GNB4: variants seen among roughly 807,000 people sequenced by gnomAD.
GNB4 encodes G protein subunit beta 4.
GNB4 carries 28 observed loss-of-function variants against 45.2 expected under a neutral mutation model. The ratio of observed to expected loss-of-function variants is 0.62; its 90% CI spans 0.46 to 0.85. The LOEUF (loss-of-function observed/expected upper bound fraction) is 0.85, where lower values mean the gene tolerates loss of function less well. GNB4 is among the 40% of genes least tolerant of loss of function. The pLI is 0.00. For missense variants in GNB4, 321 were observed against 425.4 expected (o/e 0.75, Z 2.16); for synonymous variants, 132 against 143.7 (o/e 0.92, Z 0.58).
chr3:179,507,447 A>G, the GNB4 span, among the ~76,000 whole-genome samples: 1 of 152,222 alleles, frequency 6.6e-6, no homozygotes, highest in Admixed American at 6.5e-5. Context: ...AGGAGAAAAG[A>G]AAAGAAAGGC....
chr3:179,397,029 C>G lies in GNB4; in HGVS notation c.*4184G>C, dbSNP rs890875699. On this transcript the variant is annotated 3_prime_UTR_variant, in exon 10 of 10. Transcript: ENST00000232564. ...GAAATCATTTAAAATTTTGCTTTTT[C>G]ACAATGGCAAAAAGGAAAGAATTTG... 8.5e-5 allele frequency: 13 copies of G among 152,156 alleles called. No individual in the cohort carries two copies. The South Asian group carries it at 2.1e-3, about 24-fold the overall frequency. 9.4% of individuals were successfully genotyped at this position (152,156 alleles called of 1,614,324 possible).
At chr3:179,436,674 GCTTT>G (rs1363143606) in intron 1 of GNB4, among the ~76,000 whole-genome samples, 9 of 152,184 alleles carry the variant, frequency 5.9e-5, no homozygotes, top group Non-Finnish European at 1.0e-4. Flanking sequence ...TCTCCACGTG[GCTTT>G]CTTTCTCAGG....
chr3:179,426,053 T>C (rs553677885), intron 2 of GNB4, 91 bp downstream of exon 2: 1 of 944,252 alleles, frequency 1.1e-6, no homozygotes, highest in East Asian at 2.6e-5. Context: ...GCCTTAGAAA[T>C]CATTTAATAT....
intron 3 of GNB4, 66 bp downstream of exon 3, chr3:179,420,823 C>T (rs1714957934): frequency 1.1e-6 from 1 of 951,474 alleles, no homozygotes; most frequent in African/African-American, 1.6e-5. Flanking sequence ...ATCTGAATGT[C>T]ATTTGCCTCT....
At chr3:179,516,981 A>C in the GNB4 span, among the ~76,000 whole-genome samples, 1 of 152,140 alleles carries the variant, frequency 6.6e-6, no homozygotes, top group Non-Finnish European at 1.5e-5. Flanking sequence ...AGTTTTTATT[A>C]AAGAGGCATT....
the GNB4 span, among the ~76,000 whole-genome samples, chr3:179,511,365 A>G: frequency 1.3e-5 from 2 of 152,254 alleles, no homozygotes; most frequent in African/African-American, 4.8e-5. Flanking sequence ...GCACTCAGTA[A>G]CAACTGTATA....
the GNB4 span, among the ~76,000 whole-genome samples, chr3:179,485,621 C>T: frequency 3.9e-5 from 6 of 152,082 alleles, no homozygotes; most frequent in Non-Finnish European, 7.4e-5. Flanking sequence ...TCTTAACCTC[C>T]GAATTGCACT....
chr3:179,509,168 T>TACACACACACAC, the GNB4 span, among the ~76,000 whole-genome samples: 9 of 146,990 alleles, frequency 6.1e-5, no homozygotes, highest in African/African-American at 1.5e-4. Flanking sequence ...TATATATACA[T>TACACACACACAC]ACACACACAC....
Position 179,413,607 on chromosome 3 carries a change from T to TA in GNB4, c.503dup (p.Leu168PhefsTer28), listed in dbSNP as rs1433857620. 6.2e-7 allele frequency: 1 copy of TA among 1,613,988 alleles called. No homozygotes were observed. The highest frequency in any genetic ancestry group is 8.5e-7 in the Non-Finnish European group (1 of 1,179,976). ...TCTGCTGGGCAGTTTCGATGTCCCA[T>TA]AAAGCACTGTAATTAAAAACAAAAT... is the stretch of plus-strand genomic sequence containing the variant. On this transcript the variant is annotated frameshift_variant, in exon 8 of 10. Transcript: ENST00000232564. LOFTEE classifies it high-confidence loss of function.
the GNB4 span, among the ~76,000 whole-genome samples, chr3:179,525,542 C>T: frequency 6.6e-6 from 1 of 151,828 alleles, no homozygotes; most frequent in Non-Finnish European, 1.5e-5. Flanking sequence ...TGACTTGCCA[C>T]CAAGGGAATG....
the GNB4 span, among the ~76,000 whole-genome samples, chr3:179,500,855 G>A: frequency 6.6e-6 from 1 of 152,136 alleles, no homozygotes; most frequent in Admixed American, 6.5e-5. Flanking sequence ...ATTGTGAATG[G>A]GAGTTCACTC....
the GNB4 span, among the ~76,000 whole-genome samples, chr3:179,520,263 T>C: frequency 6.6e-6 from 1 of 151,244 alleles, no homozygotes; most frequent in African/African-American, 2.4e-5. Flanking sequence ...CGAGCCCAAA[T>C]TTCTTCCTCA....
In GNB4 at chr3:179,419,458, T is replaced by C; in HGVS notation, c.144A>G (p.Arg48=). 3 of 1,613,430 alleles carry C rather than the reference T, an allele frequency of 1.9e-6. No homozygotes were observed. The highest frequency in any genetic ancestry group is 3.3e-5 in the Admixed American group (2 of 60,012). Residue 48 remains arginine, a synonymous_variant, in exon 4 of 10, where the codon AGA becomes AGG. Coordinates refer to ENST00000232564, the MANE Select transcript of GNB4 (RefSeq NM_021629.4). ...DSVGRIQMRT[R]RTLRGHLAKI... Reference sequence around the variant, plus strand: ...TAGCTAGGTGGCCCCTCAGTGTACGTCTTGTTCGCATTTGTATTCGACCCA... The same window carrying C: ...TAGCTAGGTGGCCCCTCAGTGTACGCCTTGTTCGCATTTGTATTCGACCCA...
At chr3:179,479,405 C>T in the GNB4 span, among the ~76,000 whole-genome samples, 1 of 152,184 alleles carries the variant, frequency 6.6e-6, no homozygotes, top group Non-Finnish European at 1.5e-5. Flanking sequence ...TTGTATTTAT[C>T]TCTTACAGCC....
the GNB4 span, among the ~76,000 whole-genome samples, chr3:179,523,467 G>A: frequency 6.6e-6 from 1 of 152,172 alleles, no homozygotes; most frequent in South Asian, 2.1e-4. Flanking sequence ...GGATAGGAGA[G>A]TATGTGGGTT....
chr3:179,420,821 G>A, intron 3 of GNB4, 68 bp downstream of exon 3: 1 of 935,670 alleles, frequency 1.1e-6, no homozygotes, highest in Non-Finnish European at 1.7e-6. Flanking sequence ...GAATCTGAAT[G>A]TCATTTGCCT....
At chr3:179,505,315 G>A in the GNB4 span, among the ~76,000 whole-genome samples, 1 of 152,154 alleles carries the variant, frequency 6.6e-6, no homozygotes, top group African/African-American at 2.4e-5. Flanking sequence ...TTAAAGCTTG[G>A]ATTTTGATAA....
At chr3:179,418,654 T>C (rs997751141) in intron 4 of GNB4, among the ~76,000 whole-genome samples, 1 of 152,216 alleles carries the variant, frequency 6.6e-6, no homozygotes, top group Non-Finnish European at 1.5e-5. Context: ...TAGTGTCTCC[T>C]GGGAGAAGAG....
the GNB4 span, among the ~76,000 whole-genome samples, chr3:179,486,473 G>A: frequency 6.6e-6 from 1 of 152,058 alleles, no homozygotes; most frequent in South Asian, 2.1e-4. Flanking sequence ...ATTCACCTGT[G>A]CCTAAAGTTG....
Sources: allele counts gnomAD v4.1 joint callset (sites outside exome capture counted in the v4.1 genomes callset), GRCh38; gene constraint gnomAD v4.1.1; transcripts MANE v1.5; gene names NCBI Gene and HGNC (gene_info 2026-07-23, HGNC 2026-07-21).